The following PTPRD variants were observed in gnomAD, a reference collection of about 807,000 sequenced individuals.
PTPRD encodes the protein receptor-type tyrosine-protein phosphatase delta.
Under a neutral mutation model 214.5 loss-of-function variants are expected in PTPRD, and 34 were observed. That is an observed-to-expected ratio of 0.16 (90% CI 0.12 to 0.21). The LOEUF is 0.21. Among genes scored for constraint, PTPRD ranks in the 10% least tolerant of loss-of-function variants. PTPRD has a pLI of 1.00. For synonymous variants in PTPRD, 1,128 were observed against 845.7 expected, an observed-to-expected ratio of 1.33 and a Z score of -5.79; for missense variants, 2,545 against 2,398.7, an observed-to-expected ratio of 1.06 and a Z score of -1.27.
intron 3 of PTPRD, among the ~76,000 whole-genome samples, chr9:10,167,872 T>G (rs577341519): frequency 2.0e-5 from 3 of 152,302 alleles, no homozygotes; most frequent in African/African-American, 7.2e-5. Flanking sequence ...TATATAGCTG[T>G]AAGAGTTCAT....
intron 9 of PTPRD, among the ~76,000 whole-genome samples, chr9:9,339,671 AGAAACACTTAGAATAGCTACT>A (rs2046008636): frequency 1.3e-5 from 2 of 152,216 alleles, no homozygotes; most frequent in African/African-American, 4.8e-5. Flanking sequence ...TTAATTACCA[AGAAACACTTAGAATAGCTACT>A]GAATATTTGC....
chr9:9,755,906 G>T (rs1596875872), intron 6 of PTPRD, among the ~76,000 whole-genome samples: 2 of 151,632 alleles, frequency 1.3e-5, no homozygotes, highest in African/African-American at 2.4e-5. Context: ...AACATTTTAT[G>T]GTTTGCTTTT....
chr9:8,467,839 A>G (rs1362107987), intron 31 of PTPRD, among the ~76,000 whole-genome samples: 10 of 151,968 alleles, frequency 6.6e-5, no homozygotes, highest in Admixed American at 1.3e-4. Flanking sequence ...GCATCATTAC[A>G]CAGCTTATTG....
intron 3 of PTPRD, among the ~76,000 whole-genome samples, chr9:10,224,200 A>T (rs932155953): frequency 5.9e-5 from 9 of 151,986 alleles, no homozygotes; most frequent in African/African-American, 1.7e-4. Flanking sequence ...CACTATATAA[A>T]TTATCTTATT....
At chr9:9,809,378 C>A (rs1037674030) in intron 5 of PTPRD, among the ~76,000 whole-genome samples, 5 of 151,616 alleles carry the variant, frequency 3.3e-5, no homozygotes, top group Admixed American at 6.6e-5. Context: ...CACCATTCTC[C>A]CACCTCAGCC....
chr9:8,653,990 C>A (rs886957833), intron 12 of PTPRD, among the ~76,000 whole-genome samples: 1 of 152,136 alleles, frequency 6.6e-6, no homozygotes, highest in African/African-American at 2.4e-5. Flanking sequence ...AAAACAGGGC[C>A]TTTCACTACT....
intron 2 of PTPRD, among the ~76,000 whole-genome samples, chr9:10,583,639 C>T (rs961901113): frequency 2.6e-5 from 4 of 151,854 alleles, no homozygotes; most frequent in Admixed American, 1.3e-4. Flanking sequence ...CCACCACGCC[C>T]GGCTAATTTT....
rs1160055875 is a variant in PTPRD at position 9,173,746 on chromosome 9, C to G, written c.-143+9558G>C. Among the ~76,000 whole-genome samples the G allele has an allele frequency of 9.2e-5, 14 of 152,226 alleles. No homozygotes were observed. In the East Asian group the frequency reaches 2.7e-3, roughly 29 times the overall value. Reference sequence around the variant, plus strand: ...ATGCAGTCCATGGTTGACCATGGACCATTGTTACACAAAGCATGACTCTAT... The same window carrying G: ...ATGCAGTCCATGGTTGACCATGGACGATTGTTACACAAAGCATGACTCTAT... On this transcript the variant is annotated intron_variant, in intron 10 of 45. Transcript: ENST00000381196.
intron 12 of PTPRD, among the ~76,000 whole-genome samples, chr9:8,705,837 T>C (rs1268076984): frequency 6.6e-6 from 1 of 152,222 alleles, no homozygotes; most frequent in Non-Finnish European, 1.5e-5. Context: ...GTGTTTCTTT[T>C]GGTAATAGCA....
intron 8 of PTPRD, among the ~76,000 whole-genome samples, chr9:9,451,771 T>G (rs2092246311): frequency 6.6e-6 from 1 of 151,536 alleles, no homozygotes; most frequent in East Asian, 1.9e-4. Flanking sequence ...ACCAAATAGT[T>G]TTTTTAGAAA....
At chr9:8,654,463 G>C (rs996586460) in intron 12 of PTPRD, among the ~76,000 whole-genome samples, 1 of 152,076 alleles carries the variant, frequency 6.6e-6, no homozygotes, top group Non-Finnish European at 1.5e-5. Context: ...TAAGATTTAA[G>C]CATATACCCT....
chr9:9,069,195 A>T (rs1372033637), intron 10 of PTPRD, among the ~76,000 whole-genome samples: 1 of 152,222 alleles, frequency 6.6e-6, no homozygotes, highest in Non-Finnish European at 1.5e-5. Context: ...TGACATATTA[A>T]GACATTTAAA....
At chr9:9,315,301 T>A (rs73390844) in intron 9 of PTPRD, among the ~76,000 whole-genome samples, 2,424 of 152,078 alleles carry the variant, frequency 0.016, 59 homozygotes, top group African/African-American at 0.056. Context: ...AGTTACAACT[T>A]ATTGAATGCT....
At position 10,415,329 on chromosome 9, in the gene PTPRD, C is replaced by A. The variant is rs994828403; in HGVS notation, c.-599-74312G>T. ...ATACACACACACACATATATATGTA[C>A]AAACATACAATATTTCTGGTAAAAT... is the stretch of plus-strand genomic sequence containing the variant. On this transcript the variant is annotated intron_variant, in intron 2 of 45. Coordinates refer to ENST00000381196, the MANE Select transcript of PTPRD (RefSeq NM_002839.4). Among the ~76,000 whole-genome samples, 44 of 151,772 alleles carry A rather than the reference C, an allele frequency of 2.9e-4. 1 individual carries two copies. Among genetic ancestry groups the A allele is most frequent in the African/African-American group, 9.9e-4 (41 of 41,446 alleles).
At chr9:9,196,980 T>A (rs537840994) in intron 9 of PTPRD, among the ~76,000 whole-genome samples, 1 of 152,168 alleles carries the variant, frequency 6.6e-6, no homozygotes, top group South Asian at 2.1e-4. Context: ...ACAAACAAGA[T>A]CACTCCCTAA....
intron 4 of PTPRD, among the ~76,000 whole-genome samples, chr9:9,963,749 A>G (rs2094505001): frequency 6.6e-6 from 1 of 152,152 alleles, no homozygotes; most frequent in South Asian, 2.1e-4. Context: ...TTTAGAGGTG[A>G]TATATGAAGA....
At chr9:8,701,262 T>C (rs2098077294) in intron 12 of PTPRD, 2 of 152,254 alleles carry the variant, frequency 1.3e-5, no homozygotes, top group East Asian at 1.9e-4. Flanking sequence ...TATCCAACCA[T>C]GGAAAGGTAA....
intron 5 of PTPRD, among the ~76,000 whole-genome samples, chr9:9,937,142 G>T (rs573528067): frequency 6.6e-6 from 1 of 152,004 alleles, no homozygotes; most frequent in African/African-American, 2.4e-5. Context: ...GAGTTAATGG[G>T]TGCAGCGCAC....
intron 21 of PTPRD, among the ~76,000 whole-genome samples, chr9:8,510,330 A>C (rs1563950763): frequency 6.6e-6 from 1 of 151,912 alleles, no homozygotes; most frequent in Non-Finnish European, 1.5e-5. Flanking sequence ...TAAAATAAAC[A>C]TGTGGTGCGA....
Sources: gnomAD v4.1 joint callset for allele counts (sites outside exome capture counted in the v4.1 genomes callset) on GRCh38, gnomAD v4.1.1 for gene constraint, MANE v1.5 for transcripts, NCBI Gene and HGNC (gene_info 2026-07-23, HGNC 2026-07-21) for gene names.